Variants in CDH13 observed in about 807,000 individuals in gnomAD.
CDH13 encodes the protein cadherin-13.
A neutral mutation model predicts 63.8 loss-of-function variants in CDH13; 24 were observed. The ratio of observed to expected loss-of-function variants is 0.38; its 90% confidence interval spans 0.27 to 0.53. CDH13 has a LOEUF of 0.53. Ranked by LOEUF, CDH13 falls within the 20% of genes least tolerant of loss-of-function variation. CDH13 has a pLI of 0.85. For missense variants in CDH13, 1,049 were observed against 903.1 expected, an observed-to-expected ratio of 1.16 and a Z score of -2.07; for synonymous variants, 503 against 355.3, an observed-to-expected ratio of 1.42 and a Z score of -4.67.
chr16:82,885,436 C>A (rs1327174292), intron 2 of CDH13, among the ~76,000 whole-genome samples: 2 of 96,882 alleles, frequency 2.1e-5, no homozygotes, highest in Admixed American at 2.2e-4. Context: ...ACCTCCCACC[C>A]CCCCACCCAC....
At position 83,713,215 on chromosome 16, in the gene CDH13, G is replaced by T. The variant is rs141450872; in HGVS notation, c.1538+34754G>T. 4.6e-3 allele frequency among the ~76,000 whole-genome samples: 708 copies of T among 152,278 alleles called. 4 individuals carry two copies. Among genetic ancestry groups the T allele is most frequent in the African/African-American group, 0.016 (683 of 41,554 alleles). ...TGAGGATTCTTCCAACCCTCTCTCC[G>T]TCTAACGGGCTGGGGTCCTTCATGG... On this transcript the variant is annotated intron_variant, in intron 10 of 13. Coordinates refer to ENST00000567109, the MANE Select transcript of CDH13 (RefSeq NM_001257.5).
At chr16:83,513,815 C>G (rs1332691215) in intron 7 of CDH13, among the ~76,000 whole-genome samples, 1 of 152,132 alleles carries the variant, frequency 6.6e-6, no homozygotes, top group East Asian at 1.9e-4. Context: ...CAGTTGGGTT[C>G]AAAGACAAAT....
chr16:82,981,363 CATGA>C (rs1195658381), intron 2 of CDH13, among the ~76,000 whole-genome samples: 1 of 152,060 alleles, frequency 6.6e-6, no homozygotes, highest in African/African-American at 2.4e-5. Context: ...TCCGTCTCAC[CATGA>C]ATCTCCAGTC....
chr16:82,803,631 A>G (rs2036985586), intron 1 of CDH13, among the ~76,000 whole-genome samples: 2 of 152,234 alleles, frequency 1.3e-5, no homozygotes, highest in Non-Finnish European at 2.9e-5. Context: ...GCCGTGGGAT[A>G]TCATTCAGTC....
intron 6 of CDH13, among the ~76,000 whole-genome samples, chr16:83,383,435 C>G (rs2091610078): frequency 6.6e-6 from 1 of 152,180 alleles, no homozygotes; most frequent in Non-Finnish European, 1.5e-5. Context: ...CCTCAACTCA[C>G]AAGCCTTGAC....
chr16:83,418,489 A>G (rs2071618251), intron 6 of CDH13, among the ~76,000 whole-genome samples: 1 of 152,202 alleles, frequency 6.6e-6, no homozygotes, highest in African/African-American at 2.4e-5. Flanking sequence ...CTCATAGGTC[A>G]GTAGGTTGTT....
At position 83,778,079 on chromosome 16, in the gene CDH13, A is replaced by G. The variant is rs188520499; in HGVS notation, c.1682-1889A>G. ...TCTGTATACTTAAAATGTGTGACCT[A>G]TGAATTTGGCTCTAACCTTTCTTGC... On this transcript the variant is annotated intron_variant, in intron 11 of 13. Transcript: ENST00000567109. Among the ~76,000 whole-genome samples, 167 of 152,360 alleles carry G rather than the reference A, an allele frequency of 1.1e-3. 1 individual carries two copies. Among genetic ancestry groups the G allele is most frequent in the African/African-American group, 3.8e-3 (156 of 41,578 alleles).
intron 3 of CDH13, among the ~76,000 whole-genome samples, chr16:83,086,155 G>A (rs2033582969): frequency 6.6e-6 from 1 of 152,190 alleles, no homozygotes; most frequent in South Asian, 2.1e-4. Context: ...CAGGCCACTG[G>A]TGTCTTCCAG....
chr16:83,128,392 A>C (rs1418692822), intron 4 of CDH13, among the ~76,000 whole-genome samples: 4 of 152,232 alleles, frequency 2.6e-5, no homozygotes, highest in Non-Finnish European at 4.4e-5. Flanking sequence ...GGTTAAAGCC[A>C]GGAATCTGCG....
intron 2 of CDH13, among the ~76,000 whole-genome samples, chr16:82,895,918 A>G (rs1010089392): frequency 3.3e-5 from 5 of 152,074 alleles, no homozygotes; most frequent in Non-Finnish European, 7.4e-5. Flanking sequence ...TGCTCTTTGA[A>G]CACACTGAGC....
chr16:83,304,072 G>C (rs907890814), intron 5 of CDH13, among the ~76,000 whole-genome samples: 1 of 152,130 alleles, frequency 6.6e-6, no homozygotes, highest in African/African-American at 2.4e-5. Flanking sequence ...ATTATTCATG[G>C]AATTCCAAGT....
intron 1 of CDH13, among the ~76,000 whole-genome samples, chr16:82,779,777 T>G (rs1437953203): frequency 1.3e-5 from 2 of 152,108 alleles, no homozygotes; most frequent in East Asian, 3.9e-4. Context: ...TGTATCTGTG[T>G]AGCAGGTAGT....
intron 7 of CDH13, among the ~76,000 whole-genome samples, chr16:83,519,288 T>C (rs916508587): frequency 6.6e-6 from 1 of 152,072 alleles, no homozygotes; most frequent in Non-Finnish European, 1.5e-5. Context: ...AGCATTGGAG[T>C]CCAGTGATAT....
chr16:82,672,406 A>G lies in CDH13; in HGVS notation c.45+45269A>G, dbSNP rs547236400. 2.4e-3 allele frequency among the ~76,000 whole-genome samples: 363 copies of G among 151,952 alleles called. 2 individuals carry two copies. The highest frequency in any genetic ancestry group is 5.7e-3 in the South Asian group (27 of 4,760). ...TCCCATGTATGCACCACCACCTTAA[A>G]CTCGGTACATCTATCTAGGCCGTGA... On this transcript the variant is annotated intron_variant, in intron 1 of 13. Coordinates refer to ENST00000567109, the MANE Select transcript of CDH13 (RefSeq NM_001257.5).
chr16:83,663,477 T>C (rs531185659), intron 8 of CDH13, among the ~76,000 whole-genome samples: 2 of 152,350 alleles, frequency 1.3e-5, no homozygotes, highest in South Asian at 4.1e-4. Context: ...ACTATTCTCA[T>C]TGGGAGACTC....
intron 3 of CDH13, among the ~76,000 whole-genome samples, chr16:83,055,207 G>C (rs1236123959): frequency 1.3e-5 from 2 of 151,914 alleles, no homozygotes. Context: ...TTACAACCTT[G>C]AATGCATATA....
At chr16:83,107,456 C>T (rs947081773) in intron 3 of CDH13, among the ~76,000 whole-genome samples, 4 of 152,210 alleles carry the variant, frequency 2.6e-5, no homozygotes, top group African/African-American at 7.2e-5. Flanking sequence ...TGGAGATTGA[C>T]ACACTATCTT....
At chr16:83,217,119 G>A (rs777550806) in intron 4 of CDH13, among the ~76,000 whole-genome samples, 18 of 152,176 alleles carry the variant, frequency 1.2e-4, no homozygotes, top group Non-Finnish European at 2.1e-4. Flanking sequence ...TCACCCGAGT[G>A]CTGGTAAGCT....
chr16:83,567,975 T>A (rs1440303602), intron 7 of CDH13, among the ~76,000 whole-genome samples: 1 of 152,224 alleles, frequency 6.6e-6, no homozygotes, highest in Non-Finnish European at 1.5e-5. Flanking sequence ...TGCAGAGTGC[T>A]GCCCACATTC....
Sources: gnomAD v4.1 joint callset for allele counts (sites outside exome capture counted in the v4.1 genomes callset) on GRCh38, gnomAD v4.1.1 for gene constraint, MANE v1.5 for transcripts, NCBI Gene and HGNC (gene_info 2026-07-23, HGNC 2026-07-21) for gene names.